Variants in ULK2 observed in about 807,000 individuals in gnomAD.
ULK2 encodes the protein serine/threonine-protein kinase ULK2.
Under a neutral mutation model 127.5 loss-of-function variants are expected in ULK2, and 76 were observed. That is an observed-to-expected ratio of 0.60 (90% CI 0.50 to 0.72). The LOEUF is 0.72. ULK2 is among the 30% of genes least tolerant of loss of function. The pLI, the probability that ULK2 is intolerant of heterozygous loss-of-function variation, is 0.00. For synonymous variants in ULK2, 452 were observed against 461.9 expected (o/e 0.98, Z 0.28); for missense variants, 1,144 against 1,295.9 (o/e 0.88, Z 1.80).
At chr17:19,847,521 A>C (rs2041912146) in intron 5 of ULK2, among the ~76,000 whole-genome samples, 2 of 152,262 alleles carry the variant, frequency 1.3e-5, no homozygotes, top group South Asian at 4.1e-4. Flanking sequence ...TGATATGAAC[A>C]TTATTTGAAA....
chr17:19,814,504 T>C lies in ULK2; in HGVS notation c.1096+2245A>G, dbSNP rs535964830. 3.7e-3 allele frequency among the ~76,000 whole-genome samples: 515 copies of C among 138,394 alleles called. 4 individuals are homozygous for C. The highest frequency in any genetic ancestry group is 0.014 in the African/African-American group (498 of 36,868). The allele number at this position is 138,394 out of a possible 152,430, so 90.8% of individuals were successfully genotyped here. A position where few individuals can be genotyped will look rare whatever the true frequency, so the allele number is the denominator to read the frequency against. On this transcript the variant is annotated intron_variant, in intron 13 of 26. Coordinates refer to ENST00000395544, the MANE Select transcript of ULK2 (RefSeq NM_014683.4). Reference sequence around the variant, plus strand: ...CTCTGTTGCCCAGGCTGGAGTGCAGTGGCACAATCATGGCTCACTGCAGCC... The same window carrying C: ...CTCTGTTGCCCAGGCTGGAGTGCAGCGGCACAATCATGGCTCACTGCAGCC...
Position 19,828,983 on chromosome 17 carries a change from G to T in ULK2, c.788-2797C>A, listed in dbSNP as rs541856291. 6.6e-4 allele frequency among the ~76,000 whole-genome samples: 100 copies of T among 152,262 alleles called. 1 individual carries two copies. Among genetic ancestry groups the T allele is most frequent in the African/African-American group, 2.4e-3 (99 of 41,546 alleles). ...TGGTCCCAGCTGAAGTGAGAGGATC[G>T]CCTGAACTCGGGACACAGAGGTTGC... On this transcript the variant is annotated intron_variant, in intron 10 of 26. Transcript: ENST00000395544.
intron 14 of ULK2, among the ~76,000 whole-genome samples, chr17:19,806,195 C>T (rs987493526): frequency 3.3e-5 from 5 of 152,152 alleles, no homozygotes; most frequent in African/African-American, 7.2e-5. Context: ...TCCTTAACAA[C>T]AGAATAACCA....
Position 19,846,925 on chromosome 17 carries a change from G to A in ULK2, c.296-15C>T, listed in dbSNP as rs753904862. ...AGTCCCTTTCGCTGGTACAAAAGGA[G>A]TCACGTAAATATTTAAGCACACAAA... On this transcript the variant is annotated splice_polypyrimidine_tract_variant and intron_variant, in intron 5 of 26. Transcript: ENST00000395544. 1 of 1,594,802 alleles carries A rather than the reference G, an allele frequency of 6.3e-7. No individual in the cohort carries two copies. The highest frequency in any genetic ancestry group is 8.5e-7 in the Non-Finnish European group (1 of 1,170,520).
intron 10 of ULK2, among the ~76,000 whole-genome samples, chr17:19,833,127 G>GAAAAAAAAAAAA (rs71157837): frequency 2.8e-4 from 32 of 115,460 alleles, no homozygotes; most frequent in African/African-American, 1.1e-3. Flanking sequence ...TGTCTCAAAG[G>GAAAAAAAAAAAA]AAAAAAAAAA....
At position 19,867,316 on chromosome 17, in the gene ULK2, G is replaced by A. The variant is rs1189590437; in HGVS notation, c.90+12C>T. ...CCGCCCGGGGCCCGGCCTCGCCCCG[G>A]CCGGCGCTCACCTGGCGGTGCCGCC... On this transcript the variant is annotated intron_variant, in intron 1 of 26. Transcript: ENST00000395544. The A allele has an allele frequency of 1.6e-5, 25 of 1,568,886 alleles. No homozygotes were observed. The highest frequency in any genetic ancestry group is 2.1e-5 in the Non-Finnish European group (24 of 1,160,266).
intron 20 of ULK2, among the ~76,000 whole-genome samples, chr17:19,792,565 T>C (rs141259453): frequency 1.3e-5 from 2 of 152,348 alleles, no homozygotes; most frequent in East Asian, 3.9e-4. Flanking sequence ...TGTTCTGTTA[T>C]AGCAGCACAA....
intron 9 of ULK2, 46 bp downstream of exon 9, chr17:19,841,443 C>T: frequency 6.7e-7 from 1 of 1,499,930 alleles, no homozygotes; most frequent in Non-Finnish European, 9.0e-7. Context: ...AAATAAACAA[C>T]ACTGTATTCA....
rs1333647548 is a variant in ULK2, at chr17:19,774,084, G to A, written c.*2265C>T. 6.6e-6 allele frequency: 1 copy of A among 152,578 alleles called. No individual in the cohort carries two copies. The highest frequency in any genetic ancestry group is 1.9e-4 in the East Asian group (1 of 5,190). The allele number at this position is 152,578 out of a possible 1,614,324, so 9.5% of individuals were successfully genotyped here. ...TCCAGGTTATGGCTTGAATACAGGT[G>A]TCAACCCATGAATGTATGAACTGGT... is the stretch of plus-strand genomic sequence containing the variant. On this transcript the variant is annotated 3_prime_UTR_variant, in exon 27 of 27. Coordinates refer to ENST00000395544, the MANE Select transcript of ULK2 (RefSeq NM_014683.4).
Position 19,819,716 on chromosome 17 carries a change from C to A in ULK2, c.925-2796G>T, listed in dbSNP as rs150642605. On this transcript the variant is annotated intron_variant, in intron 12 of 26. Coordinates refer to ENST00000395544, the MANE Select transcript of ULK2 (RefSeq NM_014683.4). The stretch of plus-strand genomic sequence containing the variant: ...AGTGACCTTGCCAGCCGGCCATTGT[C>A]ACCAGCAAGGTCTCACTCTTCCTCA... 2.1e-3 allele frequency among the ~76,000 whole-genome samples: 326 copies of A among 152,282 alleles called. 1 individual carries two copies. Among genetic ancestry groups the A allele is most frequent in the African/African-American group, 7.6e-3 (314 of 41,556 alleles).
chr17:19,797,097 C>G (rs1047912404), intron 18 of ULK2, among the ~76,000 whole-genome samples: 1 of 152,088 alleles, frequency 6.6e-6, no homozygotes, highest in Non-Finnish European at 1.5e-5. Context: ...AGTTAAAGAC[C>G]AGCCTGGCCA....
chr17:19,864,914 TA>T, intron 2 of ULK2, 70 bp from the exon 3 acceptor site: 1 of 728,614 alleles, frequency 1.4e-6, no homozygotes, highest in South Asian at 4.2e-5. Flanking sequence ...AATATGTAAA[TA>T]AAATTAAAGT....
In ULK2 at chr17:19,785,909, AGAC is replaced by A. The variant is rs765643263; in HGVS notation, c.2251+25_2251+27del. On this transcript the variant is annotated intron_variant, in intron 21 of 26. Transcript: ENST00000395544. The stretch of plus-strand genomic sequence containing the variant: ...ACACTACATTCCAAATACTAGCCAA[AGAC>A]TGTAATATAACAAATGCTCCTTACC... 3.1e-6 allele frequency: 5 copies of A among 1,591,576 alleles called. No homozygotes were observed. The Admixed American group carries it at 5.4e-5, about 17-fold the overall frequency.
At chr17:19,783,196 T>C (rs149376733) in intron 22 of ULK2, among the ~76,000 whole-genome samples, 1 of 152,270 alleles carries the variant, frequency 6.6e-6, no homozygotes, top group Non-Finnish European at 1.5e-5. Context: ...CTCACGCCTG[T>C]AATCCTAGCA....
Position 19,776,310 on chromosome 17 carries a change from T to G in ULK2, c.*39A>C, listed in dbSNP as rs2086809868. The G allele has an allele frequency of 3.2e-6, 5 of 1,565,218 alleles. No individual in the cohort carries two copies. In the South Asian group the frequency reaches 6.0e-5, roughly 19 times the overall value. Reference sequence around the variant, plus strand: ...AAGCTGTAATCCCAAAGGCATCACCTCACGTTCCCACCACCGGTCCACGGG... The same window carrying G: ...AAGCTGTAATCCCAAAGGCATCACCGCACGTTCCCACCACCGGTCCACGGG... On this transcript the variant is annotated 3_prime_UTR_variant, in exon 27 of 27. Transcript: ENST00000395544.
At chr17:19,861,799 G>T (rs2042248574) in intron 3 of ULK2, among the ~76,000 whole-genome samples, 1 of 152,122 alleles carries the variant, frequency 6.6e-6, no homozygotes, top group South Asian at 2.1e-4. Flanking sequence ...TGACTTAAAA[G>T]GTTTCTCCCC....
At chr17:19,788,809 T>C (rs1397130894) in intron 20 of ULK2, among the ~76,000 whole-genome samples, 2 of 152,264 alleles carry the variant, frequency 1.3e-5, no homozygotes, top group Middle Eastern at 3.4e-3. Context: ...GCAGAACTCC[T>C]TGTGGGCCAT....
intron 7 of ULK2, among the ~76,000 whole-genome samples, chr17:19,844,234 A>G (rs2041829513): frequency 6.6e-6 from 1 of 152,230 alleles, no homozygotes; most frequent in Non-Finnish European, 1.5e-5. Flanking sequence ...CAGGACAAAT[A>G]TTAAACAGAA....
intron 7 of ULK2, among the ~76,000 whole-genome samples, chr17:19,843,710 G>A (rs1265027542): frequency 1.3e-5 from 2 of 150,676 alleles, no homozygotes; most frequent in Admixed American, 1.3e-4. Flanking sequence ...CCAGGCTGGA[G>A]TGCAGTGGCG....
Sources: allele counts gnomAD v4.1 joint callset (sites outside exome capture counted in the v4.1 genomes callset), GRCh38; gene constraint gnomAD v4.1.1; transcripts MANE v1.5; gene names NCBI Gene and HGNC (gene_info 2026-07-23, HGNC 2026-07-21).